The following PRR14L variants were observed in gnomAD, a reference collection of about 807,000 sequenced individuals.
PRR14L encodes the protein protein PRR14L.
PRR14L carries 80 observed loss-of-function variants against 155.0 expected under a neutral mutation model. The ratio of observed to expected loss-of-function variants is 0.52; its 90% CI spans 0.43 to 0.62. The LOEUF is 0.62. Among genes scored for constraint, PRR14L ranks in the 20% least tolerant of loss-of-function variants. PRR14L has a pLI of 0.00. For synonymous variants in PRR14L, 883 were observed against 916.0 expected (o/e 0.96, Z 0.65); for missense variants, 2,469 against 2,548.0 (o/e 0.97, Z 0.67).
intron 3 of PRR14L, among the ~76,000 whole-genome samples, chr22:31,719,078 AAC>A (rs1232297356): frequency 6.6e-6 from 1 of 151,834 alleles, no homozygotes; most frequent in Non-Finnish European, 1.5e-5. Context: ...TGTCTCAAAA[AAC>A]AAAGAACAAA....
In PRR14L at chr22:31,714,574, G is replaced by A; in HGVS notation, c.3265C>T (p.Gln1089Ter). The A allele has an allele frequency of 6.4e-7, 1 of 1,551,940 alleles. No individual in the cohort carries two copies. Among genetic ancestry groups the A allele is most frequent in the Non-Finnish European group, 8.7e-7 (1 of 1,147,046 alleles). Residue 1089 changes from glutamine to a stop codon, truncating the protein, a stop_gained, in exon 4 of 9, where the codon CAA becomes TAA. Transcript: ENST00000327423. LOFTEE classifies it high-confidence loss of function. ...CGARQEKLAF[Q>*]EDSRSTLSRR... ...GACAAGGTACTCCTGGAGTCCTCTT[G>A]AAATGCCAGTTTCTCTTGCCTTGCA...
intron 2 of PRR14L, among the ~76,000 whole-genome samples, chr22:31,727,801 A>T (rs2074724758): frequency 6.6e-6 from 1 of 151,144 alleles, no homozygotes; most frequent in Non-Finnish European, 1.5e-5. Flanking sequence ...GGCCAACATC[A>T]TGACACCCCA....
rs1393830795 is a variant in PRR14L, at chr22:31,738,379, T to G, written c.474+8A>C. 1.3e-6 allele frequency: 2 copies of G among 1,549,392 alleles called. No individual in the cohort carries two copies. Among genetic ancestry groups the G allele is most frequent in the South Asian group, 2.4e-5 (2 of 83,980 alleles). Reference sequence around the variant, plus strand: ...TCAACTCTTCGGAATGGAGATTTCATTTCTTACCTGACTCGGGCTAGTCTT... The same window carrying G: ...TCAACTCTTCGGAATGGAGATTTCAGTTCTTACCTGACTCGGGCTAGTCTT... On this transcript the variant is annotated splice_region_variant and intron_variant, in intron 2 of 8. Transcript: ENST00000327423.
At chr22:31,710,539 G>C (rs1308764522) in intron 4 of PRR14L, among the ~76,000 whole-genome samples, 1 of 150,504 alleles carries the variant, frequency 6.6e-6, no homozygotes, top group Non-Finnish European at 1.5e-5. Flanking sequence ...TGCAAGTTCT[G>C]CCTCCCGGGT....
In PRR14L at chr22:31,715,283, T is replaced by C. The variant is rs942709431; in HGVS notation, c.2556A>G (p.Thr852=). 3.9e-6 allele frequency: 6 copies of C among 1,552,110 alleles called. No individual in the cohort carries two copies. Among genetic ancestry groups the C allele is most frequent in the Non-Finnish European group, 5.2e-6 (6 of 1,147,060 alleles). Residue 852 remains threonine, a synonymous_variant, in exon 4 of 9, where the codon ACA becomes ACG. Transcript: ENST00000327423. ...VEKSSCKVSY[T]SQERELDGKE... ...TCCCATCAAGTTCCCTTTCCTGTGA[T>C]GTGTAACTCACTTTACAGCTGCTTT... is the stretch of plus-strand genomic sequence containing the variant.
intron 2 of PRR14L, among the ~76,000 whole-genome samples, chr22:31,728,414 A>T (rs999359957): frequency 3.9e-5 from 6 of 152,054 alleles, no homozygotes; most frequent in Non-Finnish European, 7.4e-5. Flanking sequence ...GGAGTTTGAG[A>T]CCAGTCTGAC....
intron 4 of PRR14L, among the ~76,000 whole-genome samples, chr22:31,710,274 T>G (rs571739425): frequency 6.6e-6 from 1 of 152,218 alleles, no homozygotes; most frequent in Admixed American, 6.5e-5. Flanking sequence ...ACACAATGAT[T>G]CTACATTAGA....
intron 1 of PRR14L, among the ~76,000 whole-genome samples, chr22:31,745,219 T>C (rs1286566761): frequency 6.6e-6 from 1 of 151,630 alleles, no homozygotes; most frequent in Non-Finnish European, 1.5e-5. Flanking sequence ...CTACTAAAAA[T>C]ACAAAAAATT....
Position 31,713,157 on chromosome 22 carries a change from G to C in PRR14L, c.4682C>G (p.Ala1561Gly). ...KSSSNPIPTK[A>G]HRLLSLCTLS... is the part of the protein sequence containing the mutation. ...AGTACACAAACTGAGAAGTCTGTGC[G>C]CTTTTGTGGGGATGGGATTGGAAGA... is the stretch of plus-strand genomic sequence containing the variant. Residue 1561 changes from alanine (A) to glycine (G), a missense_variant, in exon 4 of 9, where the codon GCG (alanine) becomes GGG (glycine). Physicochemically the swap from Ala to Gly is moderately conservative, Grantham distance 60. Coordinates refer to ENST00000327423, the MANE Select transcript of PRR14L (RefSeq NM_173566.3). 6.4e-7 allele frequency: 1 copy of C among 1,552,014 alleles called. No homozygotes were observed. Among genetic ancestry groups the C allele is most frequent in the Non-Finnish European group, 8.7e-7 (1 of 1,147,038 alleles).
chr22:31,736,541 C>T (rs750074798), intron 2 of PRR14L, among the ~76,000 whole-genome samples: 18 of 152,130 alleles, frequency 1.2e-4, no homozygotes, highest in Non-Finnish European at 2.6e-4. Flanking sequence ...ATATATGTAT[C>T]AAGAGCGGGA....
rs1397877067 is a variant in PRR14L, at chr22:31,738,566, C to T, written c.295G>A (p.Ala99Thr). ...PGRCGLVDST[A>T]GGSVASGILD... ...ATCCCAGATGCCACAGAACCTCCTG[C>T]TGTGGAGTCCACTAGCCCACATCGC... Residue 99 changes from alanine (A) to threonine (T), a missense_variant, in exon 2 of 9, where the codon GCA becomes ACA. Around this residue, in one of 2 missense-constraint regions of PRR14L, gnomAD observed 2,363 missense variants for 2,371.6 expected, o/e 1.00. Coordinates refer to ENST00000327423, the MANE Select transcript of PRR14L (RefSeq NM_173566.3). The T allele has an allele frequency of 9.3e-5, 144 of 1,551,932 alleles. No homozygotes were observed. The highest frequency in any genetic ancestry group is 1.2e-4 in the Non-Finnish European group (138 of 1,147,100).
Position 31,716,619 on chromosome 22 carries a change from C to A in PRR14L, c.1220G>T (p.Ser407Ile). 3 of 1,551,922 alleles carry A rather than the reference C, an allele frequency of 1.9e-6. No individual in the cohort carries two copies. Among genetic ancestry groups the A allele is most frequent in the Non-Finnish European group, 2.6e-6 (3 of 1,147,026 alleles). ...AAAAAGAAAAGGTCCACCTCTTTCA[C>A]TCCTAGGAATCAAAAGCCGTTCCTC... is the stretch of plus-strand genomic sequence containing the variant. The part of the protein sequence containing the change: ...ENEERLLIPR[S>I]ERGGPFLFNA... Residue 407 changes from serine to isoleucine, a missense_variant, in exon 4 of 9, where the codon AGT becomes ATT. Around this residue, in one of 2 missense-constraint regions of PRR14L, gnomAD observed 2,363 missense variants for 2,371.6 expected, o/e 1.00. Transcript: ENST00000327423.
At position 31,715,614 on chromosome 22, in the gene PRR14L, C is replaced by A; in HGVS notation, c.2225G>T (p.Arg742Ile). The A allele has an allele frequency of 5.2e-6, 8 of 1,552,006 alleles. No individual in the cohort carries two copies. The highest frequency in any genetic ancestry group is 7.0e-6 in the Non-Finnish European group (8 of 1,147,052). ...TCCTGAATCAGCCATTTCCTTTTTT[C>A]TCTCTAGGCTTACTGGTTTGATGTT... ...TLNIKPVSLE[R>I]KKEMADSGTK... Residue 742 changes from arginine to isoleucine, a missense_variant, in exon 4 of 9, where the codon AGA becomes ATA. Coordinates refer to ENST00000327423, the MANE Select transcript of PRR14L (RefSeq NM_173566.3).
In PRR14L at chr22:31,725,612, T is replaced by C. The variant is rs2074712133; in HGVS notation, c.475-2A>G. On this transcript the variant is annotated splice_acceptor_variant, in intron 2 of 8. Coordinates refer to ENST00000327423, the MANE Select transcript of PRR14L (RefSeq NM_173566.3). LOFTEE classifies it high-confidence loss of function. ...GCTGGACTGCATCAGGAGATCCTCC[T>C]ACAGTAAGAAAATCCAGTGGTCAAG... The C allele has an allele frequency of 6.5e-7, 1 of 1,544,700 alleles. No individual in the cohort carries two copies. Among genetic ancestry groups the C allele is most frequent in the Non-Finnish European group, 8.8e-7 (1 of 1,140,820 alleles).
At chr22:31,690,830 C>T (rs2074507602) in intron 7 of PRR14L, among the ~76,000 whole-genome samples, 2 of 151,562 alleles carry the variant, frequency 1.3e-5, no homozygotes, top group South Asian at 2.1e-4. Context: ...TTAGTAGAGA[C>T]AGGGTTTCAT....
At chr22:31,704,886 T>C (rs920995600) in intron 4 of PRR14L, among the ~76,000 whole-genome samples, 160 bp from the exon 5 acceptor site, 7 of 152,176 alleles carry the variant, frequency 4.6e-5, no homozygotes, top group African/African-American at 1.7e-4. Flanking sequence ...GAGTTATATT[T>C]ATGTGCCCAT....
intron 5 of PRR14L, 92 bp from the exon 6 acceptor site, chr22:31,703,813 TTGAGAAGGAG>T: frequency 1.2e-6 from 1 of 831,640 alleles, no homozygotes; most frequent in Non-Finnish European, 1.7e-6. Context: ...TTTTTTTTTT[TTGAGAAGGAG>T]TTTTGCTCTT....
chr22:31,738,321 T>C, intron 2 of PRR14L, 66 bp downstream of exon 2: 2 of 1,279,770 alleles, frequency 1.6e-6, no homozygotes, highest in Non-Finnish European at 2.2e-6. Flanking sequence ...CGTCAGCATC[T>C]GTATTTTATC....
chr22:31,730,384 C>A (rs768299369), intron 2 of PRR14L, among the ~76,000 whole-genome samples: 2 of 152,136 alleles, frequency 1.3e-5, no homozygotes, highest in African/African-American at 2.4e-5. Flanking sequence ...GCGAAGGTTG[C>A]AGTGAGCTGA....
Sources: gnomAD v4.1 joint callset for allele counts (sites outside exome capture counted in the v4.1 genomes callset) on GRCh38, gnomAD v4.1.1 for gene constraint, gnomAD v4.1.1 regional missense constraint, MANE v1.5 for transcripts, NCBI Gene and HGNC (gene_info 2026-07-23, HGNC 2026-07-21) for gene names.